TNIK: variants seen among roughly 807,000 people sequenced by gnomAD.
The protein encoded by TNIK is TRAF2 and NCK interacting kinase.
A neutral mutation model predicts 191.3 loss-of-function variants in TNIK; 49 were observed. That is an observed-to-expected ratio of 0.26 (90% CI 0.20 to 0.32). The LOEUF (loss-of-function observed/expected upper bound fraction) is 0.32. Among genes scored for constraint, TNIK ranks in the 10% least tolerant of loss-of-function variants. The pLI is 1.00. For missense variants in TNIK, 1,155 were observed against 1,702.3 expected (o/e 0.68, Z 5.66); for synonymous variants, 594 against 600.9 (o/e 0.99, Z 0.17).
chr3:171,306,113 C>G (rs559238087), intron 2 of TNIK, among the ~76,000 whole-genome samples: 1 of 152,024 alleles, frequency 6.6e-6, no homozygotes, highest in Admixed American at 6.6e-5. Context: ...AACACAGGAA[C>G]AGGAAACAAA....
chr3:171,406,438 AT>A (rs769929702), intron 1 of TNIK, among the ~76,000 whole-genome samples: 8 of 151,192 alleles, frequency 5.3e-5, no homozygotes, highest in Non-Finnish European at 7.4e-5. Flanking sequence ...TTATTTATTT[AT>A]TTTTTTTTAA....
intron 1 of TNIK, among the ~76,000 whole-genome samples, chr3:171,408,812 C>T (rs1000241215): frequency 6.6e-6 from 1 of 152,138 alleles, no homozygotes; most frequent in Non-Finnish European, 1.5e-5. Flanking sequence ...TATCAGGCGC[C>T]TCAACTGCAA....
intron 2 of TNIK, among the ~76,000 whole-genome samples, chr3:171,260,165 T>G (rs527682719): frequency 6.6e-6 from 1 of 152,216 alleles, no homozygotes; most frequent in East Asian, 1.9e-4. Flanking sequence ...TCCTGTTAGG[T>G]TGCTTAGCCA....
intron 4 of TNIK, among the ~76,000 whole-genome samples, chr3:171,203,398 AGTAT>A (rs988431249): frequency 1.2e-4 from 19 of 152,328 alleles, no homozygotes; most frequent in African/African-American, 4.1e-4. Context: ...CATGAAATTG[AGTAT>A]GTATGGAAGA....
intron 2 of TNIK, among the ~76,000 whole-genome samples, chr3:171,270,997 C>G (rs182347310): frequency 1.3e-5 from 2 of 152,184 alleles, no homozygotes; most frequent in African/African-American, 4.8e-5. Flanking sequence ...ACCTTTCTGG[C>G]TCTACTGCTA....
chr3:171,423,268 C>T (rs898389295), intron 1 of TNIK, among the ~76,000 whole-genome samples: 15 of 152,102 alleles, frequency 9.9e-5, no homozygotes. Context: ...AGGAATCCAA[C>T]TTACAAGGGA....
chr3:171,229,239 G>A (rs973582380), intron 2 of TNIK, among the ~76,000 whole-genome samples: 2 of 152,134 alleles, frequency 1.3e-5, no homozygotes, highest in African/African-American at 4.8e-5. Flanking sequence ...GATGCTGGCC[G>A]TAATTATGTA....
chr3:171,224,424 G>A (rs1577171995), intron 3 of TNIK, among the ~76,000 whole-genome samples: 3 of 151,164 alleles, frequency 2.0e-5, no homozygotes. Context: ...TTTACACTAG[G>A]AATTTTTATC....
intron 21 of TNIK, among the ~76,000 whole-genome samples, chr3:171,106,084 T>C (rs1724819423): frequency 6.6e-6 from 1 of 152,166 alleles, no homozygotes; most frequent in Non-Finnish European, 1.5e-5. Context: ...CTCTGGGTGG[T>C]GAGGTGGCCA....
chr3:171,223,603 G>A (rs1287090327), intron 3 of TNIK, among the ~76,000 whole-genome samples: 1 of 152,126 alleles, frequency 6.6e-6, no homozygotes, highest in Admixed American at 6.6e-5. Flanking sequence ...ATGTTACATT[G>A]AGCAAGATAC....
At chr3:171,210,997 A>G (rs959551051) in intron 4 of TNIK, 119 bp downstream of exon 4, 5 of 1,276,396 alleles carry the variant, frequency 3.9e-6, no homozygotes, top group Non-Finnish European at 5.4e-6. Flanking sequence ...TACGGACATC[A>G]TGGGGGCTAA....
intron 2 of TNIK, among the ~76,000 whole-genome samples, chr3:171,305,113 C>G (rs1264464433): frequency 1.3e-5 from 2 of 148,884 alleles, no homozygotes; most frequent in Admixed American, 6.7e-5. Flanking sequence ...GAGAAGGGTG[C>G]CTGAAAACAG....
At chr3:171,194,741 G>T in intron 4 of TNIK, 106 bp from the exon 5 acceptor site, 1 of 907,478 alleles carries the variant, frequency 1.1e-6, no homozygotes, top group Non-Finnish European at 1.7e-6. Context: ...TGCCATTCCT[G>T]CAAAGAAAAA....
At chr3:171,126,292 A>G in intron 16 of TNIK, 141 bp from the exon 17 acceptor site, 2 of 1,070,970 alleles carry the variant, frequency 1.9e-6, no homozygotes, top group South Asian at 5.8e-5. Context: ...AACTATATAT[A>G]GCATGTTTTT....
At chr3:171,445,429 A>AAG (rs1299042995) in intron 1 of TNIK, among the ~76,000 whole-genome samples, 1 of 151,946 alleles carries the variant, frequency 6.6e-6, no homozygotes, top group African/African-American at 2.4e-5. Flanking sequence ...CAAAAAAAAA[A>AAG]AAAAAAAGTT....
chr3:171,133,149 A>G (rs1576917573), intron 15 of TNIK, among the ~76,000 whole-genome samples: 1 of 152,348 alleles, frequency 6.6e-6, no homozygotes, highest in East Asian at 1.9e-4. Flanking sequence ...GGAATGCTTA[A>G]GATGCAATCT....
intron 1 of TNIK, among the ~76,000 whole-genome samples, chr3:171,382,690 T>C (rs1268112017): frequency 2.0e-5 from 3 of 152,222 alleles, no homozygotes. Context: ...ATCATTGTGA[T>C]GACTGTGGAA....
intron 2 of TNIK, among the ~76,000 whole-genome samples, chr3:171,254,881 T>G (rs1746657551): frequency 6.6e-6 from 1 of 152,202 alleles, no homozygotes; most frequent in Non-Finnish European, 1.5e-5. Flanking sequence ...TTTTCACAGT[T>G]TTTGAATAAG....
intron 2 of TNIK, among the ~76,000 whole-genome samples, chr3:171,249,397 G>A (rs1434517388): frequency 2.0e-5 from 3 of 152,148 alleles, no homozygotes; most frequent in Admixed American, 2.0e-4. Flanking sequence ...CATTTTCTTT[G>A]ATTAAGAATC....
Sources: gnomAD v4.1 joint callset for allele counts (sites outside exome capture counted in the v4.1 genomes callset) on GRCh38, gnomAD v4.1.1 for gene constraint, MANE v1.5 for transcripts, NCBI Gene and HGNC (gene_info 2026-07-23, HGNC 2026-07-21) for gene names.